Variants in PDK1 observed in about 807,000 individuals in gnomAD.
PDK1 encodes the protein [Pyruvate dehydrogenase (acetyl-transferring)] kinase isozyme 1, mitochondrial.
Under a neutral mutation model 54.2 loss-of-function variants are expected in PDK1, and 39 were observed. That is an observed-to-expected ratio of 0.72 (90% CI 0.56 to 0.94). The LOEUF is 0.94. Ranked by LOEUF, PDK1 falls within the 40% of genes least tolerant of loss-of-function variation. The pLI is 0.00. For missense variants in PDK1, 552 were observed against 566.0 expected (o/e 0.98, Z 0.25); for synonymous variants, 221 against 207.1 (o/e 1.07, Z -0.58).
rs75095214 is a variant in PDK1 at position 172,567,318 on chromosome 2, A to T, written c.769+385A>T. ...TAAATAATTTTCTGTTGTTGAGGAC[A>T]TAGACTGGGGTTATAAAAGAGGAAA... On this transcript the variant is annotated intron_variant, in intron 6 of 10. Coordinates refer to ENST00000282077, the MANE Select transcript of PDK1 (RefSeq NM_002610.5). Among the ~76,000 whole-genome samples the T allele has an allele frequency of 9.9e-3, 1,513 of 152,282 alleles. 33 individuals carry two copies. The highest frequency in any genetic ancestry group is 0.035 in the African/African-American group (1,435 of 41,582).
rs1690911219 is a variant in PDK1 at position 172,596,672 on chromosome 2, A to G, written c.*703A>G. 2.0e-5 allele frequency: 3 copies of G among 152,230 alleles called. No individual in the cohort carries two copies. The highest frequency in any genetic ancestry group is 2.0e-4 in the Admixed American group (3 of 15,278). 9.4% of individuals were successfully genotyped at this position (152,230 alleles called of 1,614,324 possible). ...TATACTGAAAACAAACAAACAAACTAGCAGCTACTAAAATAGAGAAGAAAT... is the reference window on the plus strand; with the variant it reads ...TATACTGAAAACAAACAAACAAACTGGCAGCTACTAAAATAGAGAAGAAAT... On this transcript the variant is annotated 3_prime_UTR_variant, in exon 11 of 11. Coordinates refer to ENST00000282077, the MANE Select transcript of PDK1 (RefSeq NM_002610.5).
At chr2:172,635,416 A>G in the PDK1 span, among the ~76,000 whole-genome samples, 3 of 152,078 alleles carry the variant, frequency 2.0e-5, no homozygotes, top group Non-Finnish European at 2.9e-5. Flanking sequence ...CCCGGGTTCA[A>G]GTGATTCTCC....
At chr2:172,711,074 T>C in the PDK1 span, among the ~76,000 whole-genome samples, 23 of 152,236 alleles carry the variant, frequency 1.5e-4, no homozygotes, top group Non-Finnish European at 3.1e-4. Context: ...TTAGAGAGCA[T>C]CCTCTTTAAG....
chr2:172,705,861 T>G, the PDK1 span, among the ~76,000 whole-genome samples: 3 of 152,236 alleles, frequency 2.0e-5, no homozygotes, highest in Non-Finnish European at 4.4e-5. Context: ...TTTCTAAATC[T>G]GTTTACAGAA....
At position 172,601,649 on chromosome 2, in the gene PDK1, C is replaced by T. The variant is rs1018343264; in HGVS notation, c.*5680C>T. ...TCCTTTTTATTATAAATTACCCCGT[C>T]TCAGGCAGTTCTTTATAGCAGTGTG... On this transcript the variant is annotated 3_prime_UTR_variant, in exon 11 of 11. Coordinates refer to ENST00000282077, the MANE Select transcript of PDK1 (RefSeq NM_002610.5). 3 of 152,168 alleles carry T rather than the reference C, an allele frequency of 2.0e-5. No homozygotes were observed. The highest frequency in any genetic ancestry group is 7.2e-5 in the African/African-American group (3 of 41,408). 9.4% of individuals were successfully genotyped at this position (152,168 alleles called of 1,614,324 possible). A position where few individuals can be genotyped will look rare whatever the true frequency, so the allele number is the denominator to read the frequency against.
chr2:172,570,896 A>G, intron 8 of PDK1, 72 bp downstream of exon 8: 1 of 817,154 alleles, frequency 1.2e-6, no homozygotes, highest in Non-Finnish European at 2.0e-6. Context: ...AAAGGTAACC[A>G]TACGCATAAT....
At chr2:172,629,195 T>C in the PDK1 span, among the ~76,000 whole-genome samples, 1 of 152,048 alleles carries the variant, frequency 6.6e-6, no homozygotes, top group Non-Finnish European at 1.5e-5. Flanking sequence ...GGCAGGGAAA[T>C]ACTGGGTAGA....
At chr2:172,710,612 C>T in the PDK1 span, among the ~76,000 whole-genome samples, 12 of 152,202 alleles carry the variant, frequency 7.9e-5, no homozygotes, top group African/African-American at 2.9e-4. Context: ...TGGTCCTGCA[C>T]TACTGGGCAA....
At chr2:172,611,485 TA>T (rs202208382), downstream of PDK1, among the ~76,000 whole-genome samples, 763 of 151,686 alleles carry the variant, frequency 5.0e-3, 9 homozygotes, top group African/African-American at 0.017. Flanking sequence ...ATTAAGTATG[TA>T]AAAAAAAATT....
chr2:172,723,820 C>T, the PDK1 span: 1 of 152,186 alleles, frequency 6.6e-6, no homozygotes, highest in African/African-American at 2.4e-5. Context: ...TCTGCACTTA[C>T]TCTCAAAGGA....
At position 172,603,148 on chromosome 2, in the gene PDK1, C is replaced by T. The variant is rs182550054; in HGVS notation, c.*7179C>T. 1.1e-4 allele frequency: 16 copies of T among 152,284 alleles called. No individual in the cohort carries two copies. The highest frequency in any genetic ancestry group is 8.5e-4 in the Admixed American group (13 of 15,294). The allele number at this position is 152,284 out of a possible 1,614,324, so 9.4% of individuals were successfully genotyped here. On this transcript the variant is annotated 3_prime_UTR_variant, in exon 11 of 11. Coordinates refer to ENST00000282077, the MANE Select transcript of PDK1 (RefSeq NM_002610.5). ...TAATGCTGCTGGTCTGTGAGCCATA[C>T]TTTGAGTAGCAAAGGACTAAAGGTT...
chr2:172,622,424 G>C, the PDK1 span, among the ~76,000 whole-genome samples: 7 of 147,532 alleles, frequency 4.7e-5, no homozygotes, highest in East Asian at 1.5e-3. Flanking sequence ...TTTATATCAT[G>C]TGAGATATGT....
the PDK1 span, among the ~76,000 whole-genome samples, chr2:172,641,194 A>G: frequency 4.7e-5 from 7 of 149,224 alleles, no homozygotes; most frequent in East Asian, 1.0e-3. Flanking sequence ...TAGTGGCATC[A>G]TAACTCACTG....
the PDK1 span, among the ~76,000 whole-genome samples, chr2:172,697,918 G>A: frequency 6.6e-6 from 1 of 152,150 alleles, no homozygotes; most frequent in Non-Finnish European, 1.5e-5. Context: ...TTAAAATGGT[G>A]TCCATAGGGA....
At chr2:172,641,587 G>A in the PDK1 span, among the ~76,000 whole-genome samples, 3 of 151,758 alleles carry the variant, frequency 2.0e-5, no homozygotes, top group Admixed American at 6.6e-5. Flanking sequence ...GACTACAGGC[G>A]CCCGCCACCA....
the PDK1 span, chr2:172,677,094 T>G: frequency 6.6e-6 from 1 of 152,226 alleles, no homozygotes. Flanking sequence ...CAGTATAAAG[T>G]AAATATAACT....
At chr2:172,581,536 C>G (rs1177768303) in intron 8 of PDK1, among the ~76,000 whole-genome samples, 1 of 152,276 alleles carries the variant, frequency 6.6e-6, no homozygotes, top group Non-Finnish European at 1.5e-5. Context: ...GTAAAGGTCT[C>G]AAAAAGACTG....
chr2:172,713,460 G>A, the PDK1 span, among the ~76,000 whole-genome samples: 1 of 152,208 alleles, frequency 6.6e-6, no homozygotes, highest in East Asian at 1.9e-4. Context: ...CCAGGCCCGT[G>A]CCGAGCTGCC....
At chr2:172,556,403 G>T in intron 1 of PDK1, 57 bp downstream of exon 1, 1 of 1,281,426 alleles carries the variant, frequency 7.8e-7, no homozygotes, top group Non-Finnish European at 1.0e-6. Context: ...GGGAGCTGCG[G>T]CCGCTGCCCC....
Sources: gnomAD v4.1 joint callset for allele counts (sites outside exome capture counted in the v4.1 genomes callset) on GRCh38, gnomAD v4.1.1 for gene constraint, MANE v1.5 for transcripts, NCBI Gene and HGNC (gene_info 2026-07-23, HGNC 2026-07-21) for gene names.